MTTP: variants seen among roughly 807,000 people sequenced by gnomAD.
The protein encoded by MTTP is microsomal triglyceride transfer protein, also known as microsomal triglyceride transfer protein large subunit.
In MTTP, 49 loss-of-function variants were observed where a neutral mutation model predicts 90.6. The ratio of observed to expected loss-of-function variants is 0.54; its 90% CI spans 0.43 to 0.69. The LOEUF (loss-of-function observed/expected upper bound fraction) is 0.69. Ranked by LOEUF, MTTP falls within the 30% of genes least tolerant of loss-of-function variation. The pLI is 0.00. For missense variants in MTTP, 945 were observed against 1,067.5 expected (o/e 0.89, Z 1.60); for synonymous variants, 347 against 384.2 (o/e 0.90, Z 1.13).
At position 99,566,857 on chromosome 4, in the gene MTTP, G is replaced by GT. The variant is rs575043176; in HGVS notation, c.-102+2621dup. Among the ~76,000 whole-genome samples, 541 of 152,206 alleles carry GT rather than the reference G, an allele frequency of 3.6e-3. 7 individuals are homozygous for GT. The highest frequency in any genetic ancestry group is 0.027 in the South Asian group (130 of 4,818). Reference sequence around the variant, plus strand: ...AATAACTATGATTATGAACCCCTCCGTAAGTTTGATTTCAAAACATTGGGC... The same window carrying GT: ...AATAACTATGATTATGAACCCCTCCGTTAAGTTTGATTTCAAAACATTGGGC... On this transcript the variant is annotated intron_variant, in intron 1 of 18. Coordinates refer to the MTTP transcript ENST00000457717.
At position 99,597,182 on chromosome 4, in the gene MTTP, A is replaced by T; in HGVS notation, c.1025A>T (p.Glu342Val). The stretch of plus-strand genomic sequence containing the variant: ...CAGCACCTCAGGACTGCGAAGAAAG[A>T]AGAGATCCTTCAAATACTAAAGATG... The part of the protein sequence containing the change: ...FIQHLRTAKK[E>V]EILQILKMEN... Residue 342 changes from glutamate to valine, a missense_variant, in exon 8 of 18, where the codon GAA becomes GTA. Transcript: ENST00000265517. 1 of 1,613,970 alleles carries T rather than the reference A, an allele frequency of 6.2e-7. No homozygotes were observed. The highest frequency in any genetic ancestry group is 8.5e-7 in the Non-Finnish European group (1 of 1,179,912).
At position 99,581,061 on chromosome 4, in the gene MTTP, C is replaced by T. The variant is rs879691800; in HGVS notation, c.62-844C>T. On this transcript the variant is annotated intron_variant, in intron 1 of 17. Coordinates refer to ENST00000265517, the MANE Select transcript of MTTP (RefSeq NM_001386140.1). ...TAAGGTAAACTGAAGTCTTTTTTAACTATCTCCTGAGAGCCATACATAGAA... is the reference window on the plus strand; with the variant it reads ...TAAGGTAAACTGAAGTCTTTTTTAATTATCTCCTGAGAGCCATACATAGAA... 5.0e-4 allele frequency among the ~76,000 whole-genome samples: 76 copies of T among 152,172 alleles called. 1 individual carries two copies. Among genetic ancestry groups the T allele is most frequent in the Admixed American group, 5.0e-3 (76 of 15,272 alleles).
At chr4:99,592,001 C>T (rs1256810328) in intron 6 of MTTP, among the ~76,000 whole-genome samples, 2 of 152,018 alleles carry the variant, frequency 1.3e-5, no homozygotes, top group Non-Finnish European at 2.9e-5. Flanking sequence ...ACCTAGATGG[C>T]ATAGCCTACA....
At position 99,623,917 on chromosome 4, in the gene MTTP, C is replaced by T. The variant is rs1309020562; in HGVS notation, c.*1069C>T. 1 of 152,184 alleles carries T rather than the reference C, an allele frequency of 6.6e-6. No homozygotes were observed. Among genetic ancestry groups the T allele is most frequent in the African/African-American group, 2.4e-5 (1 of 41,444 alleles). The allele number at this position is 152,184 out of a possible 1,614,324, so 9.4% of individuals were successfully genotyped here. A position where few individuals can be genotyped will look rare whatever the true frequency, so the allele number is the denominator to read the frequency against. The stretch of plus-strand genomic sequence containing the variant: ...GTCCTTATTTTCCACTAAACACAGA[C>T]ACATGAAATGAAAGTTTAGCTAGCC... On this transcript the variant is annotated 3_prime_UTR_variant, in exon 18 of 18. Transcript: ENST00000265517.
chr4:99,574,455 G>A (rs995364939), upstream of MTTP, among the ~76,000 whole-genome samples: 4 of 152,168 alleles, frequency 2.6e-5, no homozygotes, highest in African/African-American at 7.2e-5. Context: ...AGCAGAGTTT[G>A]AGAATCCTTA....
chr4:99,592,322 C>T (rs995759164), intron 6 of MTTP, among the ~76,000 whole-genome samples: 19 of 152,130 alleles, frequency 1.2e-4, no homozygotes, highest in African/African-American at 1.9e-4. Flanking sequence ...ACTTATGCTA[C>T]GCTGAATTTC....
At chr4:99,564,161 A>G in exon 1 of MTTP, 9 of 1,535,542 alleles carry the variant, frequency 5.9e-6, no homozygotes, top group Non-Finnish European at 7.8e-6. Flanking sequence ...AGTGGGAGGT[A>G]GTTACAGTGA....
At chr4:99,575,893 C>T (rs1201499182) in intron 1 of MTTP, among the ~76,000 whole-genome samples, 1 of 152,136 alleles carries the variant, frequency 6.6e-6, no homozygotes, top group African/African-American at 2.4e-5. Context: ...GAAAACAATT[C>T]ACTTATAAAC....
chr4:99,620,991 T>A (rs1461740020), intron 16 of MTTP, 70 bp from the exon 17 acceptor site: 1 of 1,431,448 alleles, frequency 7.0e-7, no homozygotes, highest in Admixed American at 1.8e-5. Flanking sequence ...CCCTGTAAAG[T>A]TACAGCTGTT....
chr4:99,589,735 T>C lies in MTTP; in HGVS notation c.486T>C (p.Ser162=). The change falls in exon 4 of 18, where the codon TCT becomes TCC. Residue 162 remains serine (S), a synonymous_variant. Coordinates refer to ENST00000265517, the MANE Select transcript of MTTP (RefSeq NM_001386140.1). ...GCCTATTTCAGACACAGTTAAGCTC[T>C]GGAACCACCAATGAGGTACTTACCA... ...LASLFQTQLS[S]GTTNEVDISG... 1 of 1,585,522 alleles carries C rather than the reference T, an allele frequency of 6.3e-7. No individual in the cohort carries two copies. Among genetic ancestry groups the C allele is most frequent in the Non-Finnish European group, 8.7e-7 (1 of 1,154,994 alleles).
intron 3 of MTTP, among the ~76,000 whole-genome samples, chr4:99,584,910 A>G (rs958174199): frequency 2.0e-5 from 3 of 152,098 alleles, no homozygotes; most frequent in African/African-American, 7.2e-5. Context: ...TGAATATTTT[A>G]TGAAGCCTTC....
intron 3 of MTTP, among the ~76,000 whole-genome samples, chr4:99,585,273 G>A (rs1160333209): frequency 6.6e-6 from 1 of 151,942 alleles, no homozygotes; most frequent in African/African-American, 2.4e-5. Flanking sequence ...GCCCTGAGCA[G>A]TAAGGGCTGC....
upstream of MTTP, among the ~76,000 whole-genome samples, chr4:99,570,237 C>T (rs763780393): frequency 7.9e-5 from 12 of 151,992 alleles, no homozygotes; most frequent in Non-Finnish European, 1.8e-4. Flanking sequence ...TGGAAAATCT[C>T]TATTTCAAGT....
At chr4:99,596,274 A>G (rs1259636926) in intron 7 of MTTP, among the ~76,000 whole-genome samples, 1 of 152,190 alleles carries the variant, frequency 6.6e-6, no homozygotes, top group African/African-American at 2.4e-5. Context: ...GAGAGTTAGT[A>G]GTCACTGATA....
chr4:99,574,557 C>T (rs1724907352), upstream of MTTP: 1 of 410,542 alleles, frequency 2.4e-6, no homozygotes, highest in African/African-American at 2.0e-5. Flanking sequence ...GAAGTATCAC[C>T]ACCAGTTTTT....
intron 1 of MTTP, among the ~76,000 whole-genome samples, chr4:99,565,705 A>C (rs1385008859): frequency 1.3e-5 from 2 of 152,238 alleles, no homozygotes; most frequent in East Asian, 3.8e-4. Flanking sequence ...CTTTGAAAGA[A>C]GCAACTAAAT....
chr4:99,571,782 G>C (rs2110205813), upstream of MTTP, among the ~76,000 whole-genome samples: 1 of 151,912 alleles, frequency 6.6e-6, no homozygotes, highest in East Asian at 1.9e-4. Flanking sequence ...TTTAACTTAA[G>C]AAATTTTTTC....
intron 12 of MTTP, 101 bp from the exon 13 acceptor site, chr4:99,611,042 G>C (rs1725935656): frequency 1.6e-6 from 2 of 1,287,702 alleles, no homozygotes; most frequent in South Asian, 1.2e-5. Flanking sequence ...GGAAAATTTG[G>C]CTTCCTCTTT....
At chr4:99,586,591 G>C (rs768489018) in intron 3 of MTTP, among the ~76,000 whole-genome samples, 11 of 152,052 alleles carry the variant, frequency 7.2e-5, no homozygotes, top group Non-Finnish European at 1.0e-4. Context: ...TTCTTTACTT[G>C]TTTGTTCTCC....
Sources: allele counts gnomAD v4.1 joint callset (sites outside exome capture counted in the v4.1 genomes callset), GRCh38; gene constraint gnomAD v4.1.1; transcripts MANE v1.5; gene names NCBI Gene and HGNC (gene_info 2026-07-23, HGNC 2026-07-21).